The following ZNF326 variants were observed in gnomAD, a reference collection of about 807,000 sequenced individuals.
The protein encoded by ZNF326 is zinc finger protein 326, also known as DBIRD complex subunit ZNF326.
A neutral mutation model predicts 63.1 loss-of-function variants in ZNF326; 30 were observed. The ratio of observed to expected loss-of-function variants is 0.48; its 90% CI spans 0.36 to 0.64. ZNF326 has a LOEUF of 0.64. Among genes scored for constraint, ZNF326 ranks in the 30% least tolerant of loss-of-function variants. The probability of loss-of-function intolerance (pLI) is 0.00; values close to 1 mark genes in which losing one functional copy is unlikely to be tolerated. For missense variants in ZNF326, 609 were observed against 720.3 expected, an observed-to-expected ratio of 0.85 and a Z score of 1.77; for synonymous variants, 194 against 228.2, an observed-to-expected ratio of 0.85 and a Z score of 1.35.
Position 90,013,201 on chromosome 1 carries a change from G to A in ZNF326, c.890G>A (p.Arg297Lys), listed in dbSNP as rs1649337922. ...CGGCGAGAGAAACAAAGGCGCAGAAGAGAAAAAAACAGTGAGAAATACGGA... is the reference window on the plus strand; with the variant it reads ...CGGCGAGAGAAACAAAGGCGCAGAAAAGAAAAAAACAGTGAGAAATACGGA... ...EARREKQRRR[R>K]EKNSEKYGDG... Residue 297 changes from arginine to lysine, a missense_variant, in exon 7 of 12, where the codon AGA becomes AAA. By Grantham distance (26) the Arg-to-Lys change is conservative (BLOSUM62 2). This residue lies in a region of ZNF326 where 399 missense variants were observed against 444.3 expected (regional missense o/e 0.90). Coordinates refer to ENST00000340281, the MANE Select transcript of ZNF326 (RefSeq NM_182976.4). 1 of 1,608,812 alleles carries A rather than the reference G, an allele frequency of 6.2e-7. No individual in the cohort carries two copies. The highest frequency in any genetic ancestry group is 1.3e-5 in the African/African-American group (1 of 74,712).
chr1:90,003,316 T>C (rs912995991), intron 2 of ZNF326, among the ~76,000 whole-genome samples: 3 of 152,096 alleles, frequency 2.0e-5, no homozygotes, highest in Non-Finnish European at 4.4e-5. Flanking sequence ...GTATTTTTAG[T>C]AGAGACGGGG....
rs1414081017 is a variant in ZNF326 at position 90,017,260 on chromosome 1, A to T, written c.927-57A>T. On this transcript the variant is annotated intron_variant, in intron 7 of 11. Coordinates refer to ENST00000340281, the MANE Select transcript of ZNF326 (RefSeq NM_182976.4). ...TTAGTTTCAATGTTATATTCTTATG[A>T]ACTCTTTATAGTTGAATAAAGTAAT... The T allele has an allele frequency of 4.9e-6, 6 of 1,223,178 alleles. No individual in the cohort carries two copies. In the East Asian group the frequency reaches 1.6e-4, roughly 32 times the overall value. 75.8% of individuals were successfully genotyped at this position (1,223,178 alleles called of 1,614,324 possible).
At position 90,027,463 on chromosome 1, in the gene ZNF326, A is replaced by T; in HGVS notation, c.1511A>T (p.Asp504Val). 1 of 1,613,458 alleles carries T rather than the reference A, an allele frequency of 6.2e-7. No individual in the cohort carries two copies. ...CCTATTGAAGAAGAGGAGGATGAAG[A>T]TGAGGAAGAAGAAGCAGAGGAAGTG... ...DEPIEEEEDE[D>V]EEEEAEEVGE... Residue 504 changes from aspartate to valine, a missense_variant, in exon 12 of 12, where the codon GAT (aspartate) becomes GTT (valine). This residue lies in a region of ZNF326 where 399 missense variants were observed against 444.3 expected (regional missense o/e 0.90). Transcript: ENST00000340281.
rs374276349 is a variant in ZNF326 at position 90,020,965 on chromosome 1, T to C, written c.1305+43T>C. The C allele has an allele frequency of 9.4e-6, 15 of 1,598,870 alleles. No individual in the cohort carries two copies. In the African/African-American group the frequency reaches 1.9e-4, roughly 20 times the overall value. ...CTTAATAAAGTTGCCAGATTATCCA[T>C]CAATCTTTTATTGTTCTTTGGCCAT... On this transcript the variant is annotated intron_variant, in intron 10 of 11. Transcript: ENST00000340281.
intron 7 of ZNF326, among the ~76,000 whole-genome samples, chr1:90,016,302 T>A (rs577694020): frequency 1.4e-3 from 209 of 152,128 alleles, no homozygotes; most frequent in Non-Finnish European, 2.2e-3. Flanking sequence ...GAGCTCATAC[T>A]CTCAACCAGG....
At position 90,030,782 on chromosome 1, in the gene ZNF326, T is replaced by A. The variant is rs1443292203; in HGVS notation, c.*3081T>A. 1 of 152,234 alleles carries A rather than the reference T, an allele frequency of 6.6e-6. No homozygotes were observed. The highest frequency in any genetic ancestry group is 1.5e-5 in the Non-Finnish European group (1 of 68,122). 9.4% of individuals were successfully genotyped at this position (152,234 alleles called of 1,614,324 possible). ...CTGGGCTCAAGCGGTCGTCCCGCCT[T>A]AGCCTCCCAAGTAGCTGGGACCACA... On this transcript the variant is annotated 3_prime_UTR_variant, in exon 12 of 12. Transcript: ENST00000340281.
In ZNF326 at chr1:90,034,397, C is replaced by CA. The variant is rs1650406069; in HGVS notation, c.*6697dup. 1 of 152,136 alleles carries CA rather than the reference C, an allele frequency of 6.6e-6. No individual in the cohort carries two copies. 9.4% of individuals were successfully genotyped at this position (152,136 alleles called of 1,614,324 possible). On this transcript the variant is annotated 3_prime_UTR_variant, in exon 12 of 12. Transcript: ENST00000340281. ...ATAATCATAGCTACGTATTTGAACA[C>CA]AGCGCTTAGAAATTGTCAGATAAAG...
At chr1:90,025,207 G>A (rs185426892) in intron 11 of ZNF326, among the ~76,000 whole-genome samples, 85 of 152,184 alleles carry the variant, frequency 5.6e-4, no homozygotes, top group African/African-American at 1.7e-3. Context: ...TCAATCACCC[G>A]TGAGGCTAAG....
intron 2 of ZNF326, 21 bp downstream of exon 2, chr1:89,998,175 TTTCTC>T (rs754408632): frequency 8.7e-6 from 14 of 1,610,870 alleles, no homozygotes; most frequent in Non-Finnish European, 1.2e-5. Flanking sequence ...TCTTTCAGCT[TTTCTC>T]TTCATGCGCA....
At chr1:89,998,909 A>G (rs1280278739) in intron 2 of ZNF326, among the ~76,000 whole-genome samples, 2 of 152,258 alleles carry the variant, frequency 1.3e-5, no homozygotes, top group African/African-American at 4.8e-5. Context: ...ACTGAAGCAA[A>G]TGTATACTAA....
intron 2 of ZNF326, among the ~76,000 whole-genome samples, chr1:90,001,669 T>C (rs1293978638): frequency 6.6e-6 from 1 of 151,920 alleles, no homozygotes. Flanking sequence ...TTCTTTTGCC[T>C]CAGCCTCCTG....
intron 9 of ZNF326, among the ~76,000 whole-genome samples, chr1:90,019,016 C>T (rs1360184253): frequency 6.6e-6 from 1 of 152,046 alleles, no homozygotes; most frequent in Non-Finnish European, 1.5e-5. Flanking sequence ...TTACCTTTTC[C>T]TCTAGATGAA....
chr1:90,010,012 A>T, intron 5 of ZNF326, 76 bp from the exon 6 acceptor site: 1 of 1,429,684 alleles, frequency 7.0e-7, no homozygotes, highest in Non-Finnish European at 9.6e-7. Flanking sequence ...GTAGATAGTT[A>T]ACATGAAAAT....
In ZNF326 at chr1:89,995,131, T is replaced by C. The variant is rs1236020456; in HGVS notation, c.-127T>C. On this transcript the variant is annotated 5_prime_UTR_variant, in exon 1 of 12. Transcript: ENST00000340281. ...CCCCAGCCTCGCTGTGGCCTGCGGC[T>C]CCCGGGCTGGTAGCGCGCCGCTCTC... The C allele has an allele frequency of 1.7e-6, 2 of 1,212,000 alleles. No individual in the cohort carries two copies. The highest frequency in any genetic ancestry group is 2.3e-6 in the Non-Finnish European group (2 of 877,982). 75.1% of individuals were successfully genotyped at this position (1,212,000 alleles called of 1,614,324 possible). A position where few individuals can be genotyped will look rare whatever the true frequency, so the allele number is the denominator to read the frequency against.
At position 90,013,176 on chromosome 1, in the gene ZNF326, C is replaced by T. The variant is rs867995270; in HGVS notation, c.865C>T (p.Arg289Trp). 2 of 1,612,328 alleles carry T rather than the reference C, an allele frequency of 1.2e-6. No homozygotes were observed. Among genetic ancestry groups the T allele is most frequent in the Non-Finnish European group, 1.7e-6 (2 of 1,179,188 alleles). ...EEEEKRRIEA[R>W]REKQRRRREK... ...GGAAGAAAAGCGGCGAATTGAGGCT[C>T]GGCGAGAGAAACAAAGGCGCAGAAG... The change falls in exon 7 of 12, where the codon CGG becomes TGG. Residue 289 changes from arginine to tryptophan, a missense_variant. Arg to Trp is a moderately radical substitution (Grantham distance 101). Transcript: ENST00000340281.
In ZNF326 at chr1:90,007,051, A is replaced by G. The variant is rs553707478; in HGVS notation, c.210-294A>G. ...CCAAGACTAGGGCTGGGCTTAAATA[A>G]TGACAGACAAATCTTTTCTTCTTCA... On this transcript the variant is annotated intron_variant, in intron 4 of 11. Transcript: ENST00000340281. This position sits in a 1 kb window ranked among gnomAD's most constrained non-coding sequence, Gnocchi z 4.9. 8.6e-4 allele frequency among the ~76,000 whole-genome samples: 131 copies of G among 152,344 alleles called. No individual in the cohort carries two copies. Among genetic ancestry groups the G allele is most frequent in the South Asian group, 7.9e-3 (38 of 4,826 alleles).
intron 8 of ZNF326, 22 bp downstream of exon 8, chr1:90,017,486 G>C (rs749161257): frequency 6.4e-7 from 1 of 1,556,404 alleles, no homozygotes; most frequent in East Asian, 2.4e-5. Context: ...TTTTTGAAGT[G>C]AGAAGCATTT....
rs965523952 is a variant in ZNF326, at chr1:90,032,588, C to G, written c.*4887C>G. On this transcript the variant is annotated 3_prime_UTR_variant, in exon 12 of 12. Transcript: ENST00000340281. ...TGCTGTGAAATATTTCTAGAAGATA[C>G]AAAACAAGGAATTAGATCTTGGTGA... 2 of 152,056 alleles carry G rather than the reference C, an allele frequency of 1.3e-5. No individual in the cohort carries two copies. Among genetic ancestry groups the G allele is most frequent in the Non-Finnish European group, 1.5e-5 (1 of 68,014 alleles). The allele number at this position is 152,056 out of a possible 1,614,324, so 9.4% of individuals were successfully genotyped here.
At chr1:90,003,097 G>C (rs900396361) in intron 2 of ZNF326, among the ~76,000 whole-genome samples, 3 of 148,960 alleles carry the variant, frequency 2.0e-5, no homozygotes, top group Admixed American at 2.0e-4. Flanking sequence ...AATGTCGGTC[G>C]TTTTCGTTAA....
Sources: gnomAD v4.1 joint callset for allele counts (sites outside exome capture counted in the v4.1 genomes callset) on GRCh38, gnomAD v4.1.1 for gene constraint, gnomAD v4.1.1 regional missense constraint, Gnocchi (gnomAD v3.1) non-coding constraint, MANE v1.5 for transcripts, NCBI Gene and HGNC (gene_info 2026-07-23, HGNC 2026-07-21) for gene names.